Variants in MEGF11 observed in about 807,000 individuals in gnomAD.
MEGF11 encodes the protein multiple epidermal growth factor-like domains protein 11.
A neutral mutation model predicts 146.6 loss-of-function variants in MEGF11; 126 were observed. The ratio of observed to expected loss-of-function variants is 0.86; its 90% CI spans 0.74 to 1.00. The LOEUF is 1.00. MEGF11 is among the 50% of genes least tolerant of loss of function. The probability of loss-of-function intolerance (pLI) is 0.00; values close to 1 mark genes in which losing one functional copy is unlikely to be tolerated. For missense variants in MEGF11, 1,509 were observed against 1,521.2 expected (o/e 0.99, Z 0.13); for synonymous variants, 532 against 583.4 (o/e 0.91, Z 1.27).
Position 65,970,645 on chromosome 15 carries a change from C to G in MEGF11, c.807G>C (p.Gln269His), listed in dbSNP as rs1010175970. ...GGCAAGGACAATCCTGGCTGCAGTT[C>G]TGGCCAAATGTCCCTGGTGGGCAGG... is the stretch of plus-strand genomic sequence containing the variant. ...AQPCPPGTFGQNCSQDCPCHH... is the reference protein window; with the variant it reads ...AQPCPPGTFGHNCSQDCPCHH... The change falls in exon 8 of 26, where the codon CAG becomes CAC. Residue 269 changes from glutamine (Q) to histidine (H), a missense_variant. Coordinates refer to ENST00000395614, the MANE Select transcript of MEGF11 (RefSeq NM_001385028.1). 2 of 1,613,438 alleles carry G rather than the reference C, an allele frequency of 1.2e-6. No individual in the cohort carries two copies. Among genetic ancestry groups the G allele is most frequent in the Non-Finnish European group, 1.7e-6 (2 of 1,179,640 alleles).
intron 8 of MEGF11, among the ~76,000 whole-genome samples, chr15:65,965,621 T>C (rs575867906): frequency 6.6e-4 from 90 of 135,880 alleles, no homozygotes; most frequent in Non-Finnish European, 9.2e-4. Flanking sequence ...TTCTTTTTTT[T>C]TTTTTTGGCT....
chr15:66,108,535 C>T (rs890273875), intron 4 of MEGF11, among the ~76,000 whole-genome samples: 1 of 152,142 alleles, frequency 6.6e-6, no homozygotes, highest in African/African-American at 2.4e-5. Flanking sequence ...GGGAGGAGGC[C>T]GCCATTGCAG....
intron 1 of MEGF11, among the ~76,000 whole-genome samples, chr15:66,180,352 G>A (rs902629883): frequency 6.6e-6 from 1 of 152,134 alleles, no homozygotes; most frequent in Admixed American, 6.5e-5. Context: ...AAGGTGACCG[G>A]ATGAACCAAA....
rs760079365 is a variant in MEGF11, at chr15:65,917,968, T to A, written c.2084A>T (p.Gln695Leu). The A allele has an allele frequency of 1.9e-6, 3 of 1,614,026 alleles. No homozygotes were observed. The Admixed American group carries it at 5.0e-5, about 27-fold the overall frequency. ...ATTCCCAGGTGGCAGCAGCTTACCCTGTGAGCAGTCCTTGCCAATCCATCC... is the reference window on the plus strand; with the variant it reads ...ATTCCCAGGTGGCAGCAGCTTACCCAGTGAGCAGTCCTTGCCAATCCATCC... ...FPGWIGKDCS[Q>L]ACPPGFWGPA... The change falls in exon 16 of 26, where the codon CAG (glutamine) becomes CTG (leucine). Residue 695 changes from glutamine (Q) to leucine (L), a missense_variant and splice_region_variant. Transcript: ENST00000395614.
At position 66,079,466 on chromosome 15, in the gene MEGF11, A is replaced by G. The variant is rs561433520; in HGVS notation, c.394+14936T>C. 5.9e-5 allele frequency among the ~76,000 whole-genome samples: 9 copies of G among 152,150 alleles called. No homozygotes were observed. The South Asian group carries it at 1.9e-3, about 32-fold the overall frequency. The stretch of plus-strand genomic sequence containing the variant: ...GGGCAGAAGAACCACAACTGCTTGT[A>G]AAAGGCATGCAGTTGCTATAGCATT... On this transcript the variant is annotated intron_variant, in intron 5 of 25. Transcript: ENST00000395614.
chr15:66,106,429 A>T (rs1036832128), intron 4 of MEGF11, among the ~76,000 whole-genome samples: 28 of 152,190 alleles, frequency 1.8e-4, no homozygotes, highest in African/African-American at 5.8e-4. Flanking sequence ...TGTATGCAAT[A>T]ATAAACGCCA....
intron 7 of MEGF11, among the ~76,000 whole-genome samples, chr15:65,978,771 T>C (rs1042437528): frequency 3.3e-5 from 5 of 149,258 alleles, no homozygotes; most frequent in African/African-American, 9.7e-5. Context: ...TCCCTTTTTC[T>C]TCCTCAGAGG....
chr15:65,950,041 C>T lies in MEGF11; in HGVS notation c.1287+7506G>A, dbSNP rs60772613. 3.1e-3 allele frequency among the ~76,000 whole-genome samples: 468 copies of T among 152,294 alleles called. 1 individual carries two copies. Among genetic ancestry groups the T allele is most frequent in the African/African-American group, 0.011 (455 of 41,558 alleles). On this transcript the variant is annotated intron_variant, in intron 10 of 25. Transcript: ENST00000395614. ...CTAACTGCTTCCTTTCTCTCACCCC[C>T]ATTTCCACCTCTACCCCCAAACAGG...
At position 65,922,916 on chromosome 15, in the gene MEGF11, CAG is replaced by C; in HGVS notation, c.1727_1728del (p.Ser576CysfsTer6). 2 of 1,613,280 alleles carry C rather than the reference CAG, an allele frequency of 1.2e-6. No homozygotes were observed. The highest frequency in any genetic ancestry group is 1.7e-6 in the Non-Finnish European group (2 of 1,179,760). On this transcript the variant is annotated frameshift_variant, in exon 14 of 26. Transcript: ENST00000395614. LOFTEE classifies it high-confidence loss of function. ...CCTCCATTCTCACAGCTGCAGGAGACAGAGCAGTTGGGGCCCCAGCGGCCAGG... is the reference window on the plus strand; with the variant it reads ...CCTCCATTCTCACAGCTGCAGGAGACAGCAGTTGGGGCCCCAGCGGCCAGG... Reference protein sequence around the residue: ...CPPGRWGPNCSVSCSCENGGS... With the variant: ...CPPGRWGPNCXVSCSCENGGS...
chr15:65,998,344 G>C (rs1449766079), intron 5 of MEGF11, among the ~76,000 whole-genome samples: 1 of 152,156 alleles, frequency 6.6e-6, no homozygotes, highest in East Asian at 1.9e-4. Context: ...CCCAGTGCCG[G>C]TGAGATGCAC....
chr15:65,944,759 AAGACAG>A (rs1671105835), intron 10 of MEGF11, among the ~76,000 whole-genome samples: 1 of 152,178 alleles, frequency 6.6e-6, no homozygotes, highest in African/African-American at 2.4e-5. Context: ...GCTGAATGCA[AAGACAG>A]CCCAGAATTT....
At chr15:65,928,340 TGAA>T (rs2079447804) in intron 13 of MEGF11, 82 bp downstream of exon 13, 2 of 808,554 alleles carry the variant, frequency 2.5e-6, no homozygotes, top group Non-Finnish European at 3.9e-6. Context: ...AGAGAGGTAT[TGAA>T]GAAGAAAACG....
chr15:65,988,006 G>GTTTT (rs2081923572), intron 5 of MEGF11, among the ~76,000 whole-genome samples: 2 of 99,176 alleles, frequency 2.0e-5, no homozygotes, highest in Admixed American at 1.0e-4. Context: ...ACAGTACCCG[G>GTTTT]TCTTTTTTTT....
At chr15:66,217,926 C>G (rs2091627574) in intron 1 of MEGF11, among the ~76,000 whole-genome samples, 2 of 152,316 alleles carry the variant, frequency 1.3e-5, no homozygotes, top group Non-Finnish European at 1.5e-5. Flanking sequence ...CTATTCACCC[C>G]ACAGCTTCTC....
At chr15:66,158,040 C>A (rs750909462) in intron 1 of MEGF11, among the ~76,000 whole-genome samples, 8 of 152,212 alleles carry the variant, frequency 5.3e-5, no homozygotes, top group Non-Finnish European at 1.2e-4. Context: ...TGAGACATAG[C>A]TTTTCCCATT....
intron 1 of MEGF11, among the ~76,000 whole-genome samples, chr15:66,219,729 A>G (rs2091683756): frequency 6.6e-6 from 1 of 152,072 alleles, no homozygotes; most frequent in African/African-American, 2.4e-5. Context: ...CGTATCTACC[A>G]TACAACCCAG....
chr15:66,000,926 G>A (rs2082347410), intron 5 of MEGF11, among the ~76,000 whole-genome samples: 1 of 152,152 alleles, frequency 6.6e-6, no homozygotes. Context: ...GGGCCTGGAG[G>A]GAGAGTGGGC....
At chr15:66,041,247 G>A (rs2083963368) in intron 5 of MEGF11, among the ~76,000 whole-genome samples, 1 of 152,192 alleles carries the variant, frequency 6.6e-6, no homozygotes, top group African/African-American at 2.4e-5. Flanking sequence ...GATCGACTGG[G>A]CAAGAGATAA....
At chr15:66,089,096 A>C (rs907763530) in intron 5 of MEGF11, among the ~76,000 whole-genome samples, 1 of 152,248 alleles carries the variant, frequency 6.6e-6, no homozygotes, top group African/African-American at 2.4e-5. Context: ...TTAGGAGCAT[A>C]GGCATATTTC....
Sources: allele counts gnomAD v4.1 joint callset (sites outside exome capture counted in the v4.1 genomes callset), GRCh38; gene constraint gnomAD v4.1.1; transcripts MANE v1.5; gene names NCBI Gene and HGNC (gene_info 2026-07-23, HGNC 2026-07-21).